The following TIMP3 variants were observed in gnomAD, a reference collection of about 807,000 sequenced individuals.
TIMP3 encodes metalloproteinase inhibitor 3.
TIMP3 carries 11 observed loss-of-function variants against 30.0 expected under a neutral mutation model. That is an observed-to-expected ratio of 0.37 (90% CI 0.23 to 0.61). The LOEUF is 0.61. Among genes scored for constraint, TIMP3 ranks in the 20% least tolerant of loss-of-function variants. TIMP3 has a pLI of 0.70. For synonymous variants in TIMP3, 112 were observed against 111.3 expected (o/e 1.01, Z -0.04); for missense variants, 181 against 276.8 (o/e 0.65, Z 2.45).
At chr22:32,813,503 AC>A (rs2046969595) in intron 1 of TIMP3, among the ~76,000 whole-genome samples, 1 of 149,116 alleles carries the variant, frequency 6.7e-6, no homozygotes, top group African/African-American at 2.5e-5. Context: ...ACACACACAC[AC>A]ACACACACAC....
intron 1 of TIMP3, among the ~76,000 whole-genome samples, chr22:32,848,481 T>C (rs1226596372): frequency 6.6e-6 from 1 of 152,188 alleles, no homozygotes; most frequent in Non-Finnish European, 1.5e-5. Flanking sequence ...GTAAGACAGT[T>C]AAGAGCAGTA....
rs143004673 is a variant in TIMP3, at chr22:32,841,231, G to A, written c.122-8221G>A. 5.3e-3 allele frequency among the ~76,000 whole-genome samples: 807 copies of A among 152,338 alleles called. 8 individuals carry two copies. Among genetic ancestry groups the A allele is most frequent in the Middle Eastern group, 0.024 (7 of 294 alleles). On this transcript the variant is annotated intron_variant, in intron 1 of 4. Coordinates refer to ENST00000266085, the MANE Select transcript of TIMP3 (RefSeq NM_000362.5). ...AGGTAAAGCAAAGAACCTGCTGCCC[G>A]GGGAGGCTTACATTTTAATGGGGAG...
intron 1 of TIMP3, among the ~76,000 whole-genome samples, chr22:32,820,242 CTGTG>C (rs3054173): frequency 1.1e-4 from 17 of 148,990 alleles, no homozygotes; most frequent in South Asian, 4.3e-4. Context: ...CCTTTCTCCC[CTGTG>C]TGTGTGTGTG....
chr22:32,826,749 G>A (rs1235644332), intron 1 of TIMP3, among the ~76,000 whole-genome samples: 1 of 152,136 alleles, frequency 6.6e-6, no homozygotes, highest in Admixed American at 6.5e-5. Context: ...CATTTACCAG[G>A]CACCAGGGCG....
chr22:32,833,706 C>T, intron 1 of TIMP3: 2 of 465,402 alleles, frequency 4.3e-6, no homozygotes, highest in Admixed American at 2.1e-5. Flanking sequence ...CTATGTCCAC[C>T]ACTTCCGCAT....
intron 1 of TIMP3, among the ~76,000 whole-genome samples, chr22:32,834,438 C>T (rs557565863): frequency 1.4e-4 from 22 of 152,288 alleles, no homozygotes; most frequent in African/African-American, 4.8e-4. Flanking sequence ...GCTGGGATTA[C>T]AGGCATGAGC....
intron 1 of TIMP3, among the ~76,000 whole-genome samples, chr22:32,840,388 C>T (rs766766743): frequency 1.4e-4 from 21 of 152,168 alleles, no homozygotes; most frequent in African/African-American, 5.1e-4. Flanking sequence ...GCCTTTGAAA[C>T]GGACAAGAGA....
intron 2 of TIMP3, among the ~76,000 whole-genome samples, chr22:32,856,277 CAT>C (rs36018238): frequency 0.26 from 40,098 of 151,852 alleles, 5,568 homozygotes; most frequent in African/African-American, 0.35. Flanking sequence ...GGATGTCAGA[CAT>C]GTGTAGCCGA....
Position 32,859,758 on chromosome 22 carries a change from A to C in TIMP3, c.*381A>C. On this transcript the variant is annotated 3_prime_UTR_variant, in exon 5 of 5. Transcript: ENST00000266085. ...CCTCTTGCTTCTTCCCCACCTCACC[A>C]TCTCCCAGACCCTCTTCCCTTTGCC... is the stretch of plus-strand genomic sequence containing the variant. 1 of 263,058 alleles carries C rather than the reference A, an allele frequency of 3.8e-6. No individual in the cohort carries two copies. Among genetic ancestry groups the C allele is most frequent in the Non-Finnish European group, 7.4e-6 (1 of 135,950 alleles). The allele number at this position is 263,058 out of a possible 1,614,324, so 16.3% of individuals were successfully genotyped here.
intron 1 of TIMP3, among the ~76,000 whole-genome samples, chr22:32,833,587 A>C (rs188310863): frequency 2.3e-4 from 35 of 152,314 alleles, no homozygotes; most frequent in African/African-American, 8.4e-4. Flanking sequence ...GTGGCCTGTG[A>C]AATGTGCCCA....
chr22:32,812,272 G>T (rs965132109), intron 1 of TIMP3, among the ~76,000 whole-genome samples: 1 of 152,174 alleles, frequency 6.6e-6, no homozygotes, highest in African/African-American at 2.4e-5. Flanking sequence ...AGGTAACTTT[G>T]TTAGAAATAT....
Position 32,862,532 on chromosome 22 carries a change from A to C in TIMP3, c.*3155A>C, listed in dbSNP as rs2048574949. The C allele has an allele frequency of 6.6e-6, 1 of 152,196 alleles. No homozygotes were observed. The highest frequency in any genetic ancestry group is 1.5e-5 in the Non-Finnish European group (1 of 68,044). The allele number at this position is 152,196 out of a possible 1,614,324, so 9.4% of individuals were successfully genotyped here. The stretch of plus-strand genomic sequence containing the variant: ...CCCAGACCTCTGTCTTGCATGTGAC[A>C]ATTGACAATCTGGACTACCCCAAGA... On this transcript the variant is annotated 3_prime_UTR_variant, in exon 5 of 5. Transcript: ENST00000266085.
intron 1 of TIMP3, among the ~76,000 whole-genome samples, chr22:32,829,421 G>A (rs879937489): frequency 6.6e-6 from 1 of 152,220 alleles, no homozygotes; most frequent in African/African-American, 2.4e-5. Context: ...CAAAGACAGA[G>A]GGGGTGGGGT....
intron 1 of TIMP3, among the ~76,000 whole-genome samples, chr22:32,844,165 C>T (rs766237286): frequency 5.3e-5 from 8 of 152,162 alleles, no homozygotes; most frequent in Non-Finnish European, 1.2e-4. Context: ...ACCATTAGGT[C>T]GGGGAAGAAG....
intron 1 of TIMP3, among the ~76,000 whole-genome samples, chr22:32,836,775 G>A (rs1331581725): frequency 1.3e-5 from 2 of 152,184 alleles, no homozygotes; most frequent in African/African-American, 2.4e-5. Flanking sequence ...AATGAAGCTT[G>A]TGGAACTTAA....
Position 32,862,094 on chromosome 22 carries a change from T to A in TIMP3, c.*2717T>A, listed in dbSNP as rs1036454716. The A allele has an allele frequency of 2.6e-5, 4 of 152,140 alleles. No individual in the cohort carries two copies. The highest frequency in any genetic ancestry group is 7.3e-5 in the African/African-American group (3 of 41,284). 9.4% of individuals were successfully genotyped at this position (152,140 alleles called of 1,614,324 possible). A position where few individuals can be genotyped will look rare whatever the true frequency, so the allele number is the denominator to read the frequency against. On this transcript the variant is annotated 3_prime_UTR_variant, in exon 5 of 5. Coordinates refer to ENST00000266085, the MANE Select transcript of TIMP3 (RefSeq NM_000362.5). ...ATTGGAATCCCAATGGCTCCTGGAG[T>A]AGGAAAAAAGTTTAAACTACATTCA...
At chr22:32,849,370 G>C in intron 1 of TIMP3, 82 bp from the exon 2 acceptor site, 8 of 1,198,480 alleles carry the variant, frequency 6.7e-6, no homozygotes, top group Non-Finnish European at 9.7e-6. Context: ...CTCCACAGAG[G>C]CTAGCGTGCC....
chr22:32,861,166 A>T lies in TIMP3; in HGVS notation c.*1789A>T, dbSNP rs1053073158. Reference sequence around the variant, plus strand: ...TTTAGGAAACAGAGCTGCCAATTGAAACAGAAGAAGAAAAAAAAAAAAAGC... The same window carrying T: ...TTTAGGAAACAGAGCTGCCAATTGATACAGAAGAAGAAAAAAAAAAAAAGC... On this transcript the variant is annotated 3_prime_UTR_variant, in exon 5 of 5. Transcript: ENST00000266085. 2 of 117,520 alleles carry T rather than the reference A, an allele frequency of 1.7e-5. No individual in the cohort carries two copies. Among genetic ancestry groups the T allele is most frequent in the Non-Finnish European group, 3.4e-5 (2 of 58,118 alleles). The allele number at this position is 117,520 out of a possible 1,614,324, so 7.3% of individuals were successfully genotyped here. A position where few individuals can be genotyped will look rare whatever the true frequency, so the allele number is the denominator to read the frequency against.
At chr22:32,831,296 G>A (rs377635055) in intron 1 of TIMP3, among the ~76,000 whole-genome samples, 26 of 152,328 alleles carry the variant, frequency 1.7e-4, no homozygotes, top group East Asian at 1.9e-4. Flanking sequence ...GGGAGGACGG[G>A]GCTGGATGGT....
Sources: allele counts gnomAD v4.1 joint callset (sites outside exome capture counted in the v4.1 genomes callset), GRCh38; gene constraint gnomAD v4.1.1; transcripts MANE v1.5; gene names NCBI Gene and HGNC (gene_info 2026-07-23, HGNC 2026-07-21).